The following CORO7 variants were observed in gnomAD, a reference collection of about 807,000 sequenced individuals.
CORO7 encodes the protein coronin-7.
Under a neutral mutation model 126.6 loss-of-function variants are expected in CORO7, and 107 were observed. The observed-to-expected ratio is 0.85, with a 90% CI of 0.72 to 0.99. CORO7 has a LOEUF of 0.99. CORO7 is among the 50% of genes least tolerant of loss of function. CORO7 has a pLI of 0.00. For synonymous variants in CORO7, 603 were observed against 536.8 expected, an observed-to-expected ratio of 1.12 and a Z score of -1.70; for missense variants, 1,314 against 1,255.8, an observed-to-expected ratio of 1.05 and a Z score of -0.70.
chr16:4,393,605 C>T (rs1567287884), intron 7 of CORO7, among the ~76,000 whole-genome samples: 1 of 152,164 alleles, frequency 6.6e-6, no homozygotes, highest in Non-Finnish European at 1.5e-5. Flanking sequence ...CTCTGGGGCT[C>T]CGGGCTACCA....
chr16:4,376,114 G>T, intron 9 of CORO7, among the ~76,000 whole-genome samples: 1 of 152,174 alleles, frequency 6.6e-6, no homozygotes, highest in East Asian at 1.9e-4. Flanking sequence ...TCTACCTGCC[G>T]CAGTCCCTGA....
At chr16:4,359,408 G>A (rs2054086627) in intron 22 of CORO7, 23 bp from the exon 23 acceptor site, 2 of 1,613,378 alleles carry the variant, frequency 1.2e-6, no homozygotes, top group Non-Finnish European at 1.7e-6. Flanking sequence ...AGGCAGGCTG[G>A]GAACCCTCCG....
chr16:4,396,417 A>G (rs1310581067), intron 6 of CORO7, among the ~76,000 whole-genome samples: 1 of 152,200 alleles, frequency 6.6e-6, no homozygotes, highest in Non-Finnish European at 1.5e-5. Flanking sequence ...GTAGAATAAC[A>G]TGGCATAGTG....
At chr16:4,387,886 G>A (rs1389302164) in intron 9 of CORO7, 100 bp downstream of exon 9, 25 of 1,468,860 alleles carry the variant, frequency 1.7e-5, no homozygotes, top group Middle Eastern at 1.8e-4. Flanking sequence ...AGAACACCCC[G>A]GAGATCAGCC....
At chr16:4,393,278 C>T (rs566690067) in intron 7 of CORO7, among the ~76,000 whole-genome samples, 4 of 152,164 alleles carry the variant, frequency 2.6e-5, no homozygotes, top group Admixed American at 1.3e-4. Context: ...GCCTGGGCCC[C>T]GCTTTCTGGG....
chr16:4,381,418 C>T (rs1418434570), intron 9 of CORO7: 1 of 1,583,696 alleles, frequency 6.3e-7, no homozygotes, highest in Non-Finnish European at 8.6e-7. Flanking sequence ...CCACAACAGC[C>T]TCCTGGCCCT....
rs1368474015 is a variant in CORO7 at position 4,413,626 on chromosome 16, C to T, written c.61-222G>A. ...GATCTTGGATCACTGCAATCTCTGC[C>T]TCTTGGGTTCAAGTGATCCTCCTGC... On this transcript the variant is annotated intron_variant, in intron 1 of 27. Transcript: ENST00000251166. 4 of 431,350 alleles carry T rather than the reference C, an allele frequency of 9.3e-6. No individual in the cohort carries two copies. In the South Asian group the frequency reaches 1.0e-4, roughly 11 times the overall value. The allele number at this position is 431,350 out of a possible 1,614,324, so 26.7% of individuals were successfully genotyped here.
chr16:4,393,264 C>T (rs111358190), intron 7 of CORO7, among the ~76,000 whole-genome samples: 72 of 152,296 alleles, frequency 4.7e-4, no homozygotes, highest in African/African-American at 1.7e-3. Context: ...CACCTTCAAG[C>T]TGAGCCTGGG....
At chr16:4,412,612 T>C (rs539808074) in intron 2 of CORO7, 182 bp from the exon 3 acceptor site, 241 of 621,456 alleles carry the variant, frequency 3.9e-4, no homozygotes, top group Non-Finnish European at 5.1e-4. Context: ...GCCCCATGCA[T>C]GAGCCATCCA....
intron 9 of CORO7, chr16:4,381,598 C>T (rs771770300): frequency 1.2e-5 from 19 of 1,599,968 alleles, no homozygotes; most frequent in Non-Finnish European, 1.3e-5. Context: ...CCTCCGGGGC[C>T]TGACGCGCCT....
intron 6 of CORO7, among the ~76,000 whole-genome samples, chr16:4,395,786 T>G (rs2055562554): frequency 6.6e-6 from 1 of 152,210 alleles, no homozygotes; most frequent in Non-Finnish European, 1.5e-5. Flanking sequence ...GAGGCTCATA[T>G]GACGACCTCA....
Position 4,407,602 on chromosome 16 carries a change from A to G in CORO7, c.386T>C (p.Val129Ala), listed in dbSNP as rs375821510. The part of the protein sequence containing the change: ...GVVLGPEDLP[V>A]EVLQFHPTSD... ...GGTGGGGTGGAACTGCAGTACCTCC[A>G]CTGGGAGGTCCTCGGGGCCCAGCAC... is the stretch of plus-strand genomic sequence containing the variant. The change falls in exon 5 of 28, where the codon GTG (valine) becomes GCG (alanine). Residue 129 changes from valine to alanine, a missense_variant. Physicochemically the swap from Val to Ala is moderately conservative, Grantham distance 64. Coordinates refer to ENST00000251166, the MANE Select transcript of CORO7 (RefSeq NM_024535.5). 29 of 1,596,942 alleles carry G rather than the reference A, an allele frequency of 1.8e-5. No homozygotes were observed. The African/African-American group carries it at 3.9e-4, about 21-fold the overall frequency.
chr16:4,382,932 T>G, intron 9 of CORO7: 1 of 1,461,844 alleles, frequency 6.8e-7, no homozygotes, highest in Non-Finnish European at 9.0e-7. Context: ...GGGGCCGGGC[T>G]CTCAGCCAGT....
chr16:4,379,758 C>T lies in CORO7; in HGVS notation c.785+8228G>A, dbSNP rs192634277. Among the ~76,000 whole-genome samples, 147 of 151,778 alleles carry T rather than the reference C, an allele frequency of 9.7e-4. 3 individuals carry two copies. The highest frequency in any genetic ancestry group is 1.1e-3 in the Admixed American group (17 of 15,226). On this transcript the variant is annotated intron_variant, in intron 9 of 27. Coordinates refer to ENST00000251166, the MANE Select transcript of CORO7 (RefSeq NM_024535.5). ...AGGGCAGACCCCAAGAAACAGTAGACGAAGCCGGGCACGGTGGCTCATGCC... is the reference window on the plus strand; with the variant it reads ...AGGGCAGACCCCAAGAAACAGTAGATGAAGCCGGGCACGGTGGCTCATGCC...
At chr16:4,407,034 G>A (rs751627760) in intron 5 of CORO7, among the ~76,000 whole-genome samples, 3 of 151,950 alleles carry the variant, frequency 2.0e-5, no homozygotes, top group Non-Finnish European at 4.4e-5. Flanking sequence ...TGCAACCTCT[G>A]CCTCCTGGGT....
rs773671001 is a variant in CORO7 at position 4,360,338 on chromosome 16, C to T, written c.2048G>A (p.Arg683His). Residue 683 changes from arginine to histidine, a missense_variant, in exon 21 of 28, where the codon CGC becomes CAC. Arg to His is a conservative substitution (Grantham distance 29, BLOSUM62 0). Transcript: ENST00000251166. ...ACATACCCAGACAATGCGAGCTCCG[C>T]GTCCTCCCTTGGGCCCTGGGCCTTC... Reference protein sequence around the residue: ...LQEGPGPKGGRGARIVWVCDG... With the variant: ...LQEGPGPKGGHGARIVWVCDG... 37 of 1,613,596 alleles carry T rather than the reference C, an allele frequency of 2.3e-5. No individual in the cohort carries two copies. In the South Asian group the frequency reaches 3.2e-4, roughly 14 times the overall value.
At chr16:4,415,195 A>G (rs768378928) in intron 1 of CORO7, among the ~76,000 whole-genome samples, 23 of 152,212 alleles carry the variant, frequency 1.5e-4, no homozygotes, top group African/African-American at 5.1e-4. Context: ...CAATCAGAAT[A>G]AAACCCAACT....
rs1324740914 is a variant in CORO7, at chr16:4,360,517, T to C, written c.1949A>G (p.Gln650Arg). The change falls in exon 20 of 28, where the codon CAG (glutamine) becomes CGG (arginine). Residue 650 changes from glutamine (Q) to arginine (R), a missense_variant. Gln to Arg is a conservative substitution (Grantham distance 43, BLOSUM62 1). Transcript: ENST00000251166. ...IFSLAWSPDG[Q>R]QLATVCKDGR... ...ATCCTTGCAGACAGTGGCCAGCTGCTGCCCATCAGGACTCCAGGCCAGGCT... is the reference window on the plus strand; with the variant it reads ...ATCCTTGCAGACAGTGGCCAGCTGCCGCCCATCAGGACTCCAGGCCAGGCT... The C allele has an allele frequency of 6.2e-7, 1 of 1,610,676 alleles. No individual in the cohort carries two copies. The highest frequency in any genetic ancestry group is 1.1e-5 in the South Asian group (1 of 90,680).
At chr16:4,399,451 T>C (rs759787776) in intron 6 of CORO7, among the ~76,000 whole-genome samples, 11 of 152,034 alleles carry the variant, frequency 7.2e-5, no homozygotes, top group Non-Finnish European at 1.3e-4. Context: ...ACACAGAAAA[T>C]TATAGACACA....
Sources: gnomAD v4.1 joint callset for allele counts (sites outside exome capture counted in the v4.1 genomes callset) on GRCh38, gnomAD v4.1.1 for gene constraint, MANE v1.5 for transcripts, NCBI Gene and HGNC (gene_info 2026-07-23, HGNC 2026-07-21) for gene names.